SNRPA1: variants seen among roughly 807,000 people sequenced by gnomAD.
SNRPA1 encodes U2 small nuclear ribonucleoprotein A'.
In SNRPA1, 5 loss-of-function variants were observed where a neutral mutation model predicts 32.3. The ratio of observed to expected loss-of-function variants is 0.15; its 90% CI spans 0.08 to 0.33. SNRPA1 has a LOEUF of 0.33. SNRPA1 is among the 10% of genes least tolerant of loss of function. The pLI is 1.00. For missense variants in SNRPA1, 198 were observed against 311.1 expected, an observed-to-expected ratio of 0.64 and a Z score of 2.74; for synonymous variants, 111 against 120.1, an observed-to-expected ratio of 0.92 and a Z score of 0.50.
intron 5 of SNRPA1, chr15:101,286,496 C>T: frequency 1.9e-6 from 1 of 514,240 alleles, no homozygotes; most frequent in Non-Finnish European, 3.4e-6. Flanking sequence ...CTCCTAGCTC[C>T]AAGGAGGGGA....
chr15:101,291,983 G>A lies in SNRPA1; in HGVS notation c.288C>T (p.Thr96=), dbSNP rs148855687. 1.1e-4 allele frequency: 172 copies of A among 1,611,964 alleles called. No homozygotes were observed. The highest frequency in any genetic ancestry group is 3.8e-4 in the East Asian group (17 of 44,862). ...ALPCLTELIL[T]NNSLVELGDL... is the part of the protein sequence containing the mutation. ...TTACCAGTTCCACGAGACTATTATT[G>A]GTGAGAATGAGTTCTGTCAGACAGG... Residue 96 remains threonine, a synonymous_variant, in exon 3 of 9, where the codon ACC becomes ACT. Transcript: ENST00000254193.
At chr15:101,292,262 T>A (rs1221243434) in intron 2 of SNRPA1, among the ~76,000 whole-genome samples, 2 of 152,116 alleles carry the variant, frequency 1.3e-5, no homozygotes, top group Non-Finnish European at 2.9e-5. Flanking sequence ...TGTCATACCA[T>A]CTAGTGGAAC....
intron 8 of SNRPA1, among the ~76,000 whole-genome samples, chr15:101,283,750 C>T (rs1348013573): frequency 6.6e-6 from 1 of 152,200 alleles, no homozygotes; most frequent in Admixed American, 6.5e-5. Context: ...TTGAGACCAT[C>T]CTGGCCAACA....
chr15:101,287,227 C>A (rs1300649527), intron 4 of SNRPA1, among the ~76,000 whole-genome samples: 1 of 152,132 alleles, frequency 6.6e-6, no homozygotes, highest in African/African-American at 2.4e-5. Flanking sequence ...GGTACATGTG[C>A]ACAACTTGCA....
chr15:101,283,537 G>A (rs191359376), intron 8 of SNRPA1, among the ~76,000 whole-genome samples: 1 of 152,260 alleles, frequency 6.6e-6, no homozygotes, highest in Admixed American at 6.5e-5. Flanking sequence ...CTGCCCTATA[G>A]CCTGGGCGAC....
rs1330889916 is a variant in SNRPA1, at chr15:101,295,223, C to T, written c.-45G>A. 6 of 1,471,946 alleles carry T rather than the reference C, an allele frequency of 4.1e-6. No individual in the cohort carries two copies. The Admixed American group carries it at 7.0e-5, about 17-fold the overall frequency. The allele number at this position is 1,471,946 out of a possible 1,614,324, so 91.2% of individuals were successfully genotyped here. A position where few individuals can be genotyped will look rare whatever the true frequency, so the allele number is the denominator to read the frequency against. ...CCGCGCTGTGGAAAGCCCGTGGCCT[C>T]CCGCCAGCGAGACGTCCCAGCGTGC... On this transcript the variant is annotated 5_prime_UTR_variant, in exon 1 of 9. Coordinates refer to ENST00000254193, the MANE Select transcript of SNRPA1 (RefSeq NM_003090.4).
chr15:101,282,736 C>T (rs2039410638), intron 8 of SNRPA1, among the ~76,000 whole-genome samples: 1 of 152,146 alleles, frequency 6.6e-6, no homozygotes, highest in Admixed American at 6.5e-5. Context: ...AATGTCACAC[C>T]CATTAATTCA....
intron 3 of SNRPA1, 72 bp downstream of exon 3, chr15:101,291,890 A>T: frequency 1.1e-6 from 1 of 946,890 alleles, no homozygotes; most frequent in Non-Finnish European, 1.6e-6. Flanking sequence ...TAGATTTTGT[A>T]AATTTTCTGT....
Position 101,295,090 on chromosome 15 carries a change from G to T in SNRPA1, c.82+7C>A, listed in dbSNP as rs370205211. 6.0e-4 allele frequency: 911 copies of T among 1,509,012 alleles called. 1 individual carries two copies. Among genetic ancestry groups the T allele is most frequent in the Middle Eastern group, 1.9e-3 (10 of 5,248 alleles). 93.5% of individuals were successfully genotyped at this position (1,509,012 alleles called of 1,614,324 possible). On this transcript the variant is annotated splice_region_variant and intron_variant, in intron 1 of 8. Coordinates refer to ENST00000254193, the MANE Select transcript of SNRPA1 (RefSeq NM_003090.4). ...TGGGGACTGGCCGCCCACGCCCCCGGACTCACCCCGGAGGTCCAGCTCCCG... is the reference window on the plus strand; with the variant it reads ...TGGGGACTGGCCGCCCACGCCCCCGTACTCACCCCGGAGGTCCAGCTCCCG...
At chr15:101,289,979 T>C (rs1287284181) in intron 3 of SNRPA1, 1 of 144,234 alleles carries the variant, frequency 6.9e-6, no homozygotes, top group Non-Finnish European at 1.5e-5. Context: ...AAATCTAAAC[T>C]ACAAGAGGTA....
chr15:101,287,028 A>G lies in SNRPA1; in HGVS notation c.357-18T>C, dbSNP rs73485371. ...TTAGGATACTACAAGAAAAGGAATG[A>G]CACAATGGCAAACTTGTTCATGGCA... On this transcript the variant is annotated intron_variant, in intron 4 of 8. Transcript: ENST00000254193. 7,874 of 1,383,350 alleles carry G rather than the reference A, an allele frequency of 5.7e-3. 373 individuals are homozygous for G. In the African/African-American group the frequency reaches 0.097, roughly 17 times the overall value. 85.7% of individuals were successfully genotyped at this position (1,383,350 alleles called of 1,614,324 possible).
Position 101,294,796 on chromosome 15 carries a change from G to A in SNRPA1, c.82+301C>T, listed in dbSNP as rs978650763. 1.1e-5 allele frequency: 4 copies of A among 358,868 alleles called. No individual in the cohort carries two copies. In the Admixed American group the frequency reaches 1.4e-4, roughly 13 times the overall value. 22.2% of individuals were successfully genotyped at this position (358,868 alleles called of 1,614,324 possible). A position where few individuals can be genotyped will look rare whatever the true frequency, so the allele number is the denominator to read the frequency against. ...AGCCGCTCTTCCGGGCCCTCAAACAGCCAGCGGCGAAACAGCCAAGCAAGG... is the reference window on the plus strand; with the variant it reads ...AGCCGCTCTTCCGGGCCCTCAAACAACCAGCGGCGAAACAGCCAAGCAAGG... On this transcript the variant is annotated intron_variant, in intron 1 of 8. Coordinates refer to ENST00000254193, the MANE Select transcript of SNRPA1 (RefSeq NM_003090.4).
intron 3 of SNRPA1, chr15:101,287,924 T>C: frequency 2.1e-6 from 1 of 485,346 alleles, no homozygotes; most frequent in Non-Finnish European, 3.8e-6. Context: ...TCTGTCTCAA[T>C]AGCAGGAGAT....
Position 101,293,174 on chromosome 15 carries a change from T to C in SNRPA1, c.83-2A>G. On this transcript the variant is annotated splice_acceptor_variant, in intron 1 of 8. Coordinates refer to ENST00000254193, the MANE Select transcript of SNRPA1 (RefSeq NM_003090.4). LOFTEE classifies it high-confidence loss of function. ...TTTCAATGACGGGAATTTTATACCC[T>C]ATAAAATGGAGGAAAAAAACACAAG... The C allele has an allele frequency of 6.3e-7, 1 of 1,595,116 alleles. No homozygotes were observed. Among genetic ancestry groups the C allele is most frequent in the Non-Finnish European group, 8.6e-7 (1 of 1,169,470 alleles).
chr15:101,285,481 G>A (rs531231518), intron 7 of SNRPA1, among the ~76,000 whole-genome samples: 8 of 152,292 alleles, frequency 5.3e-5, no homozygotes, highest in South Asian at 4.2e-4. Flanking sequence ...GTAACTGTTC[G>A]AAGTGATAAA....
intron 1 of SNRPA1, 178 bp downstream of exon 1, chr15:101,294,919 G>A (rs901914044): frequency 3.5e-5 from 16 of 462,334 alleles, no homozygotes; most frequent in Non-Finnish European, 5.8e-5. Context: ...GAGCTTAACC[G>A]GATGCTCATC....
chr15:101,286,875 A>C (rs201104288), intron 5 of SNRPA1, 33 bp downstream of exon 5: 1 of 1,119,314 alleles, frequency 8.9e-7, no homozygotes, highest in Admixed American at 1.8e-5. Context: ...ACACAACTCT[A>C]TAATGGCTCA....
chr15:101,293,879 C>G (rs1169749656), intron 1 of SNRPA1, among the ~76,000 whole-genome samples: 1 of 152,184 alleles, frequency 6.6e-6, no homozygotes, highest in African/African-American at 2.4e-5. Flanking sequence ...CGTACTGCAT[C>G]AAAATACGTA....
chr15:101,284,008 C>T (rs905362613), intron 8 of SNRPA1, among the ~76,000 whole-genome samples: 3 of 152,234 alleles, frequency 2.0e-5, no homozygotes, highest in Non-Finnish European at 4.4e-5. Flanking sequence ...AGGAAACTTC[C>T]CCAAGACGGC....
Sources: gnomAD v4.1 joint callset for allele counts (sites outside exome capture counted in the v4.1 genomes callset) on GRCh38, gnomAD v4.1.1 for gene constraint, MANE v1.5 for transcripts, NCBI Gene and HGNC (gene_info 2026-07-23, HGNC 2026-07-21) for gene names.